ADK: variants seen among roughly 807,000 people sequenced by gnomAD.
ADK encodes the protein N6,N6-dimethyladenosine kinase.
Under a neutral mutation model 44.7 loss-of-function variants are expected in ADK, and 24 were observed. That is an observed-to-expected ratio of 0.54 (90% CI 0.39 to 0.76). The LOEUF (loss-of-function observed/expected upper bound fraction) is 0.76. ADK is among the 30% of genes least tolerant of loss of function. ADK has a pLI of 0.00. For missense variants in ADK, 321 were observed against 425.1 expected, an observed-to-expected ratio of 0.76 and a Z score of 2.15; for synonymous variants, 128 against 142.6, an observed-to-expected ratio of 0.90 and a Z score of 0.73.
intron 1 of ADK, among the ~76,000 whole-genome samples, chr10:74,181,824 G>T (rs1053010283): frequency 6.6e-6 from 1 of 152,140 alleles, no homozygotes; most frequent in African/African-American, 2.4e-5. Flanking sequence ...ATCGCTTACA[G>T]CTTGGGTTTG....
At chr10:74,603,968 T>G (rs923128688) in intron 9 of ADK, among the ~76,000 whole-genome samples, 1 of 152,226 alleles carries the variant, frequency 6.6e-6, no homozygotes, top group Non-Finnish European at 1.5e-5. Context: ...GGTATCTCAT[T>G]GTGGTTTTGA....
chr10:74,485,125 A>G (rs954844139), intron 6 of ADK, among the ~76,000 whole-genome samples: 2 of 152,228 alleles, frequency 1.3e-5, no homozygotes, highest in East Asian at 3.8e-4. Flanking sequence ...GACATGTGTG[A>G]CACAAATAAC....
At chr10:74,475,371 C>T (rs939580120) in intron 6 of ADK, among the ~76,000 whole-genome samples, 4 of 152,104 alleles carry the variant, frequency 2.6e-5, no homozygotes, top group African/African-American at 9.7e-5. Flanking sequence ...ATCATCTAGA[C>T]TTTCTGTACC....
At chr10:74,395,904 G>A (rs1053357354) in intron 5 of ADK, among the ~76,000 whole-genome samples, 3 of 151,938 alleles carry the variant, frequency 2.0e-5, no homozygotes, top group African/African-American at 7.2e-5. Flanking sequence ...CCAGCTACTC[G>A]GGAGACGAAA....
rs1842660637 is a variant in ADK at position 74,371,619 on chromosome 10, A to G, written c.274-22522A>G. The G allele has an allele frequency of 7.9e-6, 8 of 1,018,052 alleles. 1 individual carries two copies. Among genetic ancestry groups the G allele is most frequent in the Non-Finnish European group, 1.2e-5 (8 of 650,204 alleles). The allele number at this position is 1,018,052 out of a possible 1,614,324, so 63.1% of individuals were successfully genotyped here. ...AGCAGGAACCTGCTTAGGTGGTACCAATCTTGACTTCCAGATGGAACAGTA... is the reference window on the plus strand; with the variant it reads ...AGCAGGAACCTGCTTAGGTGGTACCGATCTTGACTTCCAGATGGAACAGTA... On this transcript the variant is annotated intron_variant, in intron 4 of 10. Transcript: ENST00000539909.
intron 2 of ADK, among the ~76,000 whole-genome samples, chr10:74,206,501 C>T (rs556482720): frequency 6.8e-4 from 103 of 152,258 alleles, no homozygotes; most frequent in African/African-American, 2.4e-3. Context: ...TTTCAGCAGC[C>T]AGGCTTGCAG....
intron 1 of ADK, among the ~76,000 whole-genome samples, chr10:74,164,840 T>C (rs934049536): frequency 1.3e-5 from 2 of 152,200 alleles, no homozygotes; most frequent in South Asian, 4.1e-4. Flanking sequence ...GAAGTTTCAA[T>C]AAACTCGATT....
chr10:74,466,448 A>G (rs987886799), intron 6 of ADK, among the ~76,000 whole-genome samples: 14 of 152,032 alleles, frequency 9.2e-5, no homozygotes, highest in African/African-American at 2.9e-4. Flanking sequence ...AGAACATTAC[A>G]CCTATAGTCT....
chr10:74,597,028 A>G (rs1040368318), intron 8 of ADK, among the ~76,000 whole-genome samples: 2 of 152,186 alleles, frequency 1.3e-5, no homozygotes, highest in African/African-American at 4.8e-5. Flanking sequence ...CCCTGTCTTC[A>G]TCTTCTTCGT....
At chr10:74,685,673 A>T (rs902694744) in intron 10 of ADK, among the ~76,000 whole-genome samples, 2 of 152,218 alleles carry the variant, frequency 1.3e-5, no homozygotes, top group African/African-American at 4.8e-5. Flanking sequence ...ATTTATGATT[A>T]TATCATTTTT....
intron 3 of ADK, among the ~76,000 whole-genome samples, chr10:74,250,284 A>G (rs1300900405): frequency 6.6e-6 from 1 of 152,214 alleles, no homozygotes; most frequent in African/African-American, 2.4e-5. Context: ...GAGAACTAAT[A>G]TTTGAGGATG....
intron 4 of ADK, chr10:74,371,668 G>C: frequency 9.7e-7 from 1 of 1,032,306 alleles, no homozygotes; most frequent in Non-Finnish European, 1.5e-6. Flanking sequence ...AAAAGTGATG[G>C]CATCCACATC....
intron 10 of ADK, among the ~76,000 whole-genome samples, chr10:74,694,082 A>G (rs1440205370): frequency 6.6e-6 from 1 of 152,004 alleles, no homozygotes; most frequent in African/African-American, 2.4e-5. Context: ...GAATATTTAA[A>G]ACATAAGAAA....
intron 6 of ADK, among the ~76,000 whole-genome samples, chr10:74,462,408 GA>G (rs1161213819): frequency 6.6e-6 from 1 of 151,916 alleles, no homozygotes; most frequent in Non-Finnish European, 1.5e-5. Flanking sequence ...AACCTACAGA[GA>G]AAAAAAGTAT....
rs759221659 is a variant in ADK at position 74,192,032 on chromosome 10, AG to A, written c.66-8730del. Among the ~76,000 whole-genome samples, 238 of 152,336 alleles carry A rather than the reference AG, an allele frequency of 1.6e-3. 1 individual carries two copies. Among genetic ancestry groups the A allele is most frequent in the Middle Eastern group, 0.01 (3 of 294 alleles). On this transcript the variant is annotated intron_variant, in intron 1 of 10. Coordinates refer to ENST00000539909, the MANE Select transcript of ADK (RefSeq NM_006721.4). ...TGTTATATAAATGGAATCATATAGTAGGTAACCCGTAGATACGGCTTTTTTC... is the reference window on the plus strand; with the variant it reads ...TGTTATATAAATGGAATCATATAGTAGTAACCCGTAGATACGGCTTTTTTC...
intron 4 of ADK, among the ~76,000 whole-genome samples, chr10:74,358,186 G>C (rs1026088239): frequency 6.6e-6 from 1 of 151,956 alleles, no homozygotes; most frequent in Non-Finnish European, 1.5e-5. Context: ...CTTTATACTC[G>C]TTATGAAATT....
At chr10:74,562,309 C>T (rs200192060) in intron 7 of ADK, among the ~76,000 whole-genome samples, 1 of 151,992 alleles carries the variant, frequency 6.6e-6, no homozygotes, top group Non-Finnish European at 1.5e-5. Context: ...GAGTAAGGAC[C>T]TCTTTAAAAA....
intron 4 of ADK, among the ~76,000 whole-genome samples, chr10:74,336,039 A>C (rs1841399170): frequency 6.6e-6 from 1 of 152,186 alleles, no homozygotes; most frequent in African/African-American, 2.4e-5. Context: ...ATGTACTTTT[A>C]AAATGGATTA....
intron 1 of ADK, among the ~76,000 whole-genome samples, chr10:74,187,344 T>G (rs912757659): frequency 6.6e-6 from 1 of 152,228 alleles, no homozygotes; most frequent in Admixed American, 6.5e-5. Context: ...TGGGCTATTA[T>G]GAACAATGGT....
Sources: gnomAD v4.1 joint callset for allele counts (sites outside exome capture counted in the v4.1 genomes callset) on GRCh38, gnomAD v4.1.1 for gene constraint, MANE v1.5 for transcripts, NCBI Gene and HGNC (gene_info 2026-07-23, HGNC 2026-07-21) for gene names.